The following TCTN2 variants were observed in gnomAD, a reference collection of about 807,000 sequenced individuals.
TCTN2 encodes the protein tectonic-2.
In TCTN2, 66 loss-of-function variants were observed where a neutral mutation model predicts 83.4. The ratio of observed to expected loss-of-function variants is 0.79; its 90% CI spans 0.65 to 0.97. TCTN2 has a LOEUF of 0.97. TCTN2 is among the 50% of genes least tolerant of loss of function. The pLI, the probability that TCTN2 is intolerant of heterozygous loss-of-function variation, is 0.00. For missense variants in TCTN2, 794 were observed against 858.1 expected, an observed-to-expected ratio of 0.93 and a Z score of 0.93; for synonymous variants, 301 against 326.7, an observed-to-expected ratio of 0.92 and a Z score of 0.85.
chr12:123,696,428 C>T lies in TCTN2; in HGVS notation c.1326C>T (p.Gly442=). 3.1e-6 allele frequency: 5 copies of T among 1,614,078 alleles called. No individual in the cohort carries two copies. The highest frequency in any genetic ancestry group is 4.2e-6 in the Non-Finnish European group (5 of 1,179,954). ...GTGTTTGTCTAGGTTACCAACTTGG[C>T]AAGCCTGTCCGAGCTCTAAATATCA... ...ELSGNPGYQL[G]KPVRALNINR... The change falls in exon 12 of 18, where the codon GGC becomes GGT. Residue 442 remains glycine, a synonymous_variant. Coordinates refer to ENST00000303372, the MANE Select transcript of TCTN2 (RefSeq NM_024809.5).
At chr12:123,685,343 G>C (rs1955951537) in intron 5 of TCTN2, among the ~76,000 whole-genome samples, 1 of 152,178 alleles carries the variant, frequency 6.6e-6, no homozygotes, top group Non-Finnish European at 1.5e-5. Flanking sequence ...AATAAACAAA[G>C]ATTCAGGACG....
At chr12:123,707,342 G>C in intron 17 of TCTN2, 2 of 615,026 alleles carry the variant, frequency 3.3e-6, no homozygotes, top group Non-Finnish European at 2.9e-6. Context: ...TGCCTCCTGG[G>C]TTCAGACAAC....
At chr12:123,683,649 T>A (rs908533607) in intron 5 of TCTN2, among the ~76,000 whole-genome samples, 1 of 150,776 alleles carries the variant, frequency 6.6e-6, no homozygotes, top group Non-Finnish European at 1.5e-5. Flanking sequence ...ACATTTAAAA[T>A]TTTTTTTGAG....
At chr12:123,706,304 A>C (rs895559494) in intron 15 of TCTN2, among the ~76,000 whole-genome samples, 1 of 152,208 alleles carries the variant, frequency 6.6e-6, no homozygotes, top group Admixed American at 6.5e-5. Context: ...TGAGGATAAC[A>C]TGAGATGGTG....
intron 5 of TCTN2, among the ~76,000 whole-genome samples, chr12:123,684,528 G>A (rs1955939989): frequency 6.6e-6 from 1 of 151,526 alleles, no homozygotes; most frequent in African/African-American, 2.4e-5. Flanking sequence ...AGCTTGCTGA[G>A]TAGCTGGGAT....
intron 5 of TCTN2, among the ~76,000 whole-genome samples, chr12:123,681,855 G>A (rs980788851): frequency 2.0e-5 from 3 of 152,180 alleles, no homozygotes; most frequent in Non-Finnish European, 4.4e-5. Context: ...CATCAGCAAT[G>A]TATGTGGGGT....
At chr12:123,671,693 C>T (rs1955754829) in intron 2 of TCTN2, 79 bp downstream of exon 2, 3 of 1,313,108 alleles carry the variant, frequency 2.3e-6, no homozygotes, top group East Asian at 4.7e-5. Flanking sequence ...GAGGTGGCAT[C>T]CTTGGGGCCC....
intron 4 of TCTN2, among the ~76,000 whole-genome samples, chr12:123,676,413 A>G (rs1297178157): frequency 6.6e-6 from 1 of 151,684 alleles, no homozygotes; most frequent in Non-Finnish European, 1.5e-5. Context: ...CTAAAAATAC[A>G]AAAAATTAGC....
chr12:123,677,942 T>C (rs1955844620), intron 4 of TCTN2, among the ~76,000 whole-genome samples: 1 of 152,092 alleles, frequency 6.6e-6, no homozygotes, highest in Non-Finnish European at 1.5e-5. Flanking sequence ...CTGTACAAAC[T>C]CTTACGTGTG....
chr12:123,678,123 G>A (rs1298338943), intron 4 of TCTN2, among the ~76,000 whole-genome samples: 1 of 152,174 alleles, frequency 6.6e-6, no homozygotes, highest in African/African-American at 2.4e-5. Flanking sequence ...CAGGGAAGCT[G>A]TTGTGTCTCA....
At chr12:123,696,908 A>G (rs924805061) in intron 12 of TCTN2, 179 bp from the exon 13 acceptor site, 2 of 604,012 alleles carry the variant, frequency 3.3e-6, no homozygotes, top group African/African-American at 3.7e-5. Context: ...AGGATCTGAG[A>G]AGTCTGATAA....
intron 5 of TCTN2, among the ~76,000 whole-genome samples, chr12:123,681,393 C>T (rs529819172): frequency 6.3e-4 from 96 of 152,272 alleles, no homozygotes; most frequent in Admixed American, 1.3e-3. Context: ...TCCCTGTAGC[C>T]GTTCCTATCT....
chr12:123,672,228 C>G, intron 3 of TCTN2, 96 bp downstream of exon 3: 2 of 1,087,894 alleles, frequency 1.8e-6, no homozygotes, highest in Admixed American at 3.5e-5. Flanking sequence ...ATGGCTTTCT[C>G]CATGCTCTCA....
chr12:123,686,808 A>T (rs1955972768), intron 5 of TCTN2, 28 bp from the exon 6 acceptor site: 5 of 1,612,944 alleles, frequency 3.1e-6, no homozygotes, highest in Non-Finnish European at 4.2e-6. Flanking sequence ...CCACGGTCAC[A>T]GCTCCTGCCT....
At chr12:123,688,199 T>A (rs7302449) in intron 7 of TCTN2, 22 bp downstream of exon 7, 2 of 1,604,350 alleles carry the variant, frequency 1.2e-6, no homozygotes, top group Non-Finnish European at 8.5e-7. Context: ...AATATTAGTA[T>A]GCTAGACCGT....
chr12:123,703,864 C>T (rs1806800850), intron 14 of TCTN2, among the ~76,000 whole-genome samples: 1 of 152,132 alleles, frequency 6.6e-6, no homozygotes, highest in South Asian at 2.1e-4. Flanking sequence ...ATAACGATGG[C>T]ATTTCACTGC....
chr12:123,687,944 A>G (rs1157351677), intron 6 of TCTN2, 107 bp from the exon 7 acceptor site: 9 of 1,474,006 alleles, frequency 6.1e-6, no homozygotes, highest in Non-Finnish European at 8.4e-6. Flanking sequence ...AGCCTGGGTG[A>G]CAGAGTGAGA....
At position 123,686,920 on chromosome 12, in the gene TCTN2, C is replaced by T. The variant is rs771349899; in HGVS notation, c.649C>T (p.Gln217Ter). The T allele has an allele frequency of 1.2e-6, 2 of 1,614,206 alleles. No individual in the cohort carries two copies. The highest frequency in any genetic ancestry group is 1.7e-5 in the Admixed American group (1 of 60,012). The change falls in exon 6 of 18, where the codon CAG becomes TAG. Residue 217 changes from glutamine (Q) to a stop codon, truncating the protein, a stop_gained. Coordinates refer to ENST00000303372, the MANE Select transcript of TCTN2 (RefSeq NM_024809.5). LOFTEE classifies it high-confidence loss of function. ...AGGAGACGTCAATCCTCCTTTTGAT[C>T]AGCTCTGCTCTGCTGGGACGACGAC... Reference protein sequence around the residue: ...FGGDVNPPFDQLCSAGTTTRG... With the variant: ...FGGDVNPPFD
intron 4 of TCTN2, among the ~76,000 whole-genome samples, chr12:123,674,664 C>T (rs1463557070): frequency 1.3e-5 from 2 of 152,022 alleles, no homozygotes; most frequent in South Asian, 2.1e-4. Flanking sequence ...GAGGCCAAGG[C>T]GGGGGAATTT....
Sources: allele counts gnomAD v4.1 joint callset (sites outside exome capture counted in the v4.1 genomes callset), GRCh38; gene constraint gnomAD v4.1.1; transcripts MANE v1.5; gene names NCBI Gene and HGNC (gene_info 2026-07-23, HGNC 2026-07-21).